Variants in ZBTB20 observed in about 807,000 individuals in gnomAD.
The protein encoded by ZBTB20 is zinc finger and BTB domain-containing protein 20.
Under a neutral mutation model 56.9 loss-of-function variants are expected in ZBTB20, and 9 were observed. The ratio of observed to expected loss-of-function variants is 0.16; its 90% confidence interval spans 0.10 to 0.28. ZBTB20 has a LOEUF of 0.28. Ranked by LOEUF, ZBTB20 falls within the 10% of genes least tolerant of loss-of-function variation. The pLI is 1.00. For missense variants in ZBTB20, 655 were observed against 1,003.0 expected, an observed-to-expected ratio of 0.65 and a Z score of 4.69; for synonymous variants, 417 against 420.7, an observed-to-expected ratio of 0.99 and a Z score of 0.11.
At chr3:114,964,429 C>A (rs2077568654) in intron 3 of ZBTB20, among the ~76,000 whole-genome samples, 1 of 152,032 alleles carries the variant, frequency 6.6e-6, no homozygotes, top group Non-Finnish European at 1.5e-5. Flanking sequence ...AGCAAACAAA[C>A]AAACAAAACC....
Position 114,409,953 on chromosome 3 carries a change from G to C in ZBTB20, c.-254-20848C>G, listed in dbSNP as rs372933773. On this transcript the variant is annotated intron_variant, in intron 7 of 11. Coordinates refer to ENST00000675478, the MANE Select transcript of ZBTB20 (RefSeq NM_001348800.3). Reference sequence around the variant, plus strand: ...GATTCATCAGGCAGCTCTCAGAAGAGGGAGAATATCTCTACTAGTTCTAGA... The same window carrying C: ...GATTCATCAGGCAGCTCTCAGAAGACGGAGAATATCTCTACTAGTTCTAGA... 3.9e-5 allele frequency among the ~76,000 whole-genome samples: 6 copies of C among 152,242 alleles called. No individual in the cohort carries two copies. The East Asian group carries it at 9.7e-4, about 25-fold the overall frequency.
chr3:114,863,644 C>T (rs954248011), intron 4 of ZBTB20, among the ~76,000 whole-genome samples: 134 of 152,174 alleles, frequency 8.8e-4, no homozygotes, highest in African/African-American at 3.1e-3. Context: ...CAAAACATAA[C>T]TTACCAAAGT....
chr3:114,638,450 C>G (rs1225372854), intron 6 of ZBTB20, among the ~76,000 whole-genome samples: 1 of 152,072 alleles, frequency 6.6e-6, no homozygotes, highest in African/African-American at 2.4e-5. Context: ...TTTGTTTAAG[C>G]CACTTAAGTC....
intron 5 of ZBTB20, among the ~76,000 whole-genome samples, chr3:114,778,176 C>T (rs1228776338): frequency 7.3e-5 from 11 of 149,704 alleles, no homozygotes; most frequent in Admixed American, 3.3e-4. Flanking sequence ...AGCACACCAA[C>T]ATGGCACATG....
chr3:114,351,472 C>T lies in ZBTB20; in HGVS notation c.606G>A (p.Pro202=). 7.4e-6 allele frequency: 12 copies of T among 1,613,826 alleles called. No individual in the cohort carries two copies. The highest frequency in any genetic ancestry group is 1.0e-5 in the Non-Finnish European group (12 of 1,180,014). Residue 202 remains proline (P), a synonymous_variant, in exon 11 of 12, where the codon CCG becomes CCA. Transcript: ENST00000675478. Reference sequence around the variant, plus strand: ...TGTCCTGGCCCGAGTCCTGGATCCCCGGGAACACATCGCCCACGTTCTGTG... The same window carrying T: ...TGTCCTGGCCCGAGTCCTGGATCCCTGGGAACACATCGCCCACGTTCTGTG... ...IVSQNVGDVF[P]GIQDSGQDTP... is the part of the protein sequence containing the mutation.
At chr3:114,477,512 T>G (rs1337302292) in intron 7 of ZBTB20, among the ~76,000 whole-genome samples, 2 of 149,516 alleles carry the variant, frequency 1.3e-5, no homozygotes, top group Non-Finnish European at 3.0e-5. Flanking sequence ...TTTTTTTTTT[T>G]GAGATGGAGT....
intron 4 of ZBTB20, among the ~76,000 whole-genome samples, chr3:114,809,225 C>A (rs1405603706): frequency 6.6e-6 from 1 of 151,918 alleles, no homozygotes; most frequent in African/African-American, 2.4e-5. Flanking sequence ...TTATTCATCA[C>A]ATTTGGGAAG....
At chr3:114,516,674 A>G (rs1303381355) in intron 6 of ZBTB20, among the ~76,000 whole-genome samples, 1 of 152,208 alleles carries the variant, frequency 6.6e-6, no homozygotes, top group Non-Finnish European at 1.5e-5. Context: ...CTGCAATCCA[A>G]TATGACTAGT....
rs75861738 is a variant in ZBTB20, at chr3:115,062,274, A to G, written c.-507+8945T>C. Among the ~76,000 whole-genome samples, 1,184 of 152,342 alleles carry G rather than the reference A, an allele frequency of 7.8e-3. 18 individuals are homozygous for G. The highest frequency in any genetic ancestry group is 0.026 in the African/African-American group (1,100 of 41,584). On this transcript the variant is annotated intron_variant, in intron 2 of 11. Transcript: ENST00000675478. ...TAACAGGGCAACTCTTCAAAGTGTC[A>G]GCATTGAAACTTACAATTCTCTCTC...
At chr3:114,366,890 G>A (rs1172011703) in intron 10 of ZBTB20, 2 of 151,846 alleles carry the variant, frequency 1.3e-5, no homozygotes, top group Non-Finnish European at 2.9e-5. Flanking sequence ...AGGTAAGTAA[G>A]CAGGGTGATT....
intron 6 of ZBTB20, among the ~76,000 whole-genome samples, chr3:114,507,137 CTG>C (rs2044721716): frequency 6.6e-6 from 1 of 152,152 alleles, no homozygotes; most frequent in Admixed American, 6.6e-5. Context: ...ATTAGGAAAA[CTG>C]ATGCTCTTTA....
At position 114,942,133 on chromosome 3, in the gene ZBTB20, C is replaced by T. The variant is rs968931717; in HGVS notation, c.-456+32233G>A. On this transcript the variant is annotated intron_variant, in intron 3 of 11. Transcript: ENST00000675478. ...CATTATGACACAGTTAAGCATTAGT[C>T]ACAGTTTAATAAATAATTTCGTTAT... 9.1e-4 allele frequency among the ~76,000 whole-genome samples: 133 copies of T among 145,844 alleles called. 28 individuals carry two copies. Among genetic ancestry groups the T allele is most frequent in the African/African-American group, 3.5e-3 (124 of 35,812 alleles).
chr3:114,380,296 A>G lies in ZBTB20; in HGVS notation c.120T>C (p.Ala40=). Residue 40 remains alanine (A), a synonymous_variant, in exon 10 of 12, where the codon GCT becomes GCC. Transcript: ENST00000675478. ...KPGLPCLNFE[A]VLSPDPALIH... ...TGAGGGCTGGGTCTGGAGACAAAACAGCTTCAAAGTTCAGGCAGGGAAGGC... is the reference window on the plus strand; with the variant it reads ...TGAGGGCTGGGTCTGGAGACAAAACGGCTTCAAAGTTCAGGCAGGGAAGGC... 6.5e-7 allele frequency: 1 copy of G among 1,537,188 alleles called. No homozygotes were observed. The highest frequency in any genetic ancestry group is 8.7e-7 in the Non-Finnish European group (1 of 1,146,886).
intron 6 of ZBTB20, among the ~76,000 whole-genome samples, chr3:114,662,715 G>A: frequency 6.7e-6 from 1 of 148,740 alleles, no homozygotes; most frequent in Non-Finnish European, 1.5e-5. Flanking sequence ...TTTGAGAAGT[G>A]TCTGTTCATG....
At chr3:114,727,042 T>C (rs1265630202) in intron 5 of ZBTB20, among the ~76,000 whole-genome samples, 1 of 151,978 alleles carries the variant, frequency 6.6e-6, no homozygotes, top group Non-Finnish European at 1.5e-5. Flanking sequence ...CCCTCTTTAT[T>C]TCCTATAAAA....
chr3:114,716,346 G>C (rs1191132215), intron 5 of ZBTB20, among the ~76,000 whole-genome samples: 1 of 152,086 alleles, frequency 6.6e-6, no homozygotes, highest in Non-Finnish European at 1.5e-5. Context: ...AGTGAATTAA[G>C]ACAGGCCTCC....
chr3:114,927,930 CTG>C (rs1392964636), intron 3 of ZBTB20, among the ~76,000 whole-genome samples: 1 of 152,108 alleles, frequency 6.6e-6, no homozygotes, highest in Admixed American at 6.5e-5. Context: ...TTTCATTAAA[CTG>C]TTTTCTCCTT....
At chr3:114,733,147 C>T (rs569796942) in intron 5 of ZBTB20, among the ~76,000 whole-genome samples, 7 of 151,980 alleles carry the variant, frequency 4.6e-5, no homozygotes, top group Non-Finnish European at 7.4e-5. Flanking sequence ...ATGATTTTTC[C>T]ACATAAGTTA....
chr3:114,749,231 A>G (rs1344876918), intron 5 of ZBTB20, among the ~76,000 whole-genome samples: 1 of 152,138 alleles, frequency 6.6e-6, no homozygotes, highest in Non-Finnish European at 1.5e-5. Flanking sequence ...ACATGACAAC[A>G]TAGCAAAATC....
Sources: allele counts gnomAD v4.1 joint callset (sites outside exome capture counted in the v4.1 genomes callset), GRCh38; gene constraint gnomAD v4.1.1; transcripts MANE v1.5; gene names NCBI Gene and HGNC (gene_info 2026-07-23, HGNC 2026-07-21).